Variants in ELFN2 observed in about 807,000 individuals in gnomAD.
The protein encoded by ELFN2 is extracellular leucine rich repeat and fibronectin type III domain containing 2.
A neutral mutation model predicts 45.5 loss-of-function variants in ELFN2; 17 were observed. That is an observed-to-expected ratio of 0.37 (90% confidence interval 0.26 to 0.56). The LOEUF is 0.56. Ranked by LOEUF, ELFN2 falls within the 20% of genes least tolerant of loss-of-function variation. The pLI is 0.77. For synonymous variants in ELFN2, 550 were observed against 551.5 expected (o/e 1.00, Z 0.04); for missense variants, 922 against 1,183.2 (o/e 0.78, Z 3.24).
chr22:37,413,315 CT>C (rs1932697376), intron 2 of ELFN2, among the ~76,000 whole-genome samples: 1 of 151,994 alleles, frequency 6.6e-6, no homozygotes, highest in South Asian at 2.1e-4. Flanking sequence ...CCCTCTACAG[CT>C]GGCAGTGAAG....
intron 2 of ELFN2, among the ~76,000 whole-genome samples, chr22:37,387,227 C>T (rs1447678222): frequency 6.6e-6 from 1 of 152,160 alleles, no homozygotes; most frequent in Non-Finnish European, 1.5e-5. Context: ...CCTGCTCCCA[C>T]CCCCACCTTC....
chr22:37,371,319 C>G lies in ELFN2; in HGVS notation c.*1753G>C, dbSNP rs1373497323. 3.3e-5 allele frequency: 5 copies of G among 152,380 alleles called. No individual in the cohort carries two copies. Among genetic ancestry groups the G allele is most frequent in the African/African-American group, 1.2e-4 (5 of 41,462 alleles). The allele number at this position is 152,380 out of a possible 1,614,324, so 9.4% of individuals were successfully genotyped here. ...CCCCTCAGTCACACTCCCCAAATCT[C>G]AGGAAACCCATGTGGGCCACAGGCC... is the stretch of plus-strand genomic sequence containing the variant. On this transcript the variant is annotated 3_prime_UTR_variant, in exon 3 of 3. Transcript: ENST00000402918. The surrounding 1 kb of genome is among the most constrained non-coding windows in gnomAD (Gnocchi z 6.4).
chr22:37,394,006 C>T (rs1477436636), intron 2 of ELFN2, among the ~76,000 whole-genome samples: 1 of 152,230 alleles, frequency 6.6e-6, no homozygotes, highest in Non-Finnish European at 1.5e-5. Flanking sequence ...CTGCCACCTC[C>T]ACCTAACATG....
chr22:37,410,084 C>T (rs1308826616), intron 2 of ELFN2, among the ~76,000 whole-genome samples: 1 of 152,182 alleles, frequency 6.6e-6, no homozygotes, highest in East Asian at 1.9e-4. Flanking sequence ...CACACACATA[C>T]ACACACACCT....
At chr22:37,403,587 G>A (rs1340201217) in intron 2 of ELFN2, among the ~76,000 whole-genome samples, 1 of 152,194 alleles carries the variant, frequency 6.6e-6, no homozygotes, top group Non-Finnish European at 1.5e-5. Context: ...GGCCTGGGAG[G>A]CTGCGGCCTC....
Position 37,374,007 on chromosome 22 carries a change from C to T in ELFN2, c.1528G>A (p.Gly510Ser), listed in dbSNP as rs143903281. The T allele has an allele frequency of 2.3e-4, 379 of 1,612,994 alleles. 2 individuals carry two copies. The highest frequency in any genetic ancestry group is 1.6e-4 in the Middle Eastern group (1 of 6,084). ...TCGGGCCGAGCCAGACCGTCCCCGC[C>T]GGCGCCTGTGCGCACCTCGATATAG... ...GNYIEVRTGAGGDGLARPEDD... is the reference protein window; with the variant it reads ...GNYIEVRTGASGDGLARPEDD... The change falls in exon 3 of 3, where the codon GGC becomes AGC. Residue 510 changes from glycine to serine, a missense_variant. Coordinates refer to ENST00000402918, the MANE Select transcript of ELFN2 (RefSeq NM_052906.5).
In ELFN2 at chr22:37,409,295, G is replaced by A. The variant is rs112798332; in HGVS notation, c.-463+8474C>T. Among the ~76,000 whole-genome samples, 306 of 152,242 alleles carry A rather than the reference G, an allele frequency of 2.0e-3. 1 individual carries two copies. The highest frequency in any genetic ancestry group is 4.4e-3 in the South Asian group (21 of 4,814). On this transcript the variant is annotated intron_variant, in intron 2 of 2. Coordinates refer to ENST00000402918, the MANE Select transcript of ELFN2 (RefSeq NM_052906.5). Reference sequence around the variant, plus strand: ...GGACCCTGGGAAGCTCCTGGGCCCCGAAGCAGCTCCCTGTGGCCCCAAGGA... The same window carrying A: ...GGACCCTGGGAAGCTCCTGGGCCCCAAAGCAGCTCCCTGTGGCCCCAAGGA...
At chr22:37,396,887 G>A (rs80191523) in intron 2 of ELFN2, among the ~76,000 whole-genome samples, 349 of 152,292 alleles carry the variant, frequency 2.3e-3, no homozygotes, top group African/African-American at 7.9e-3. Flanking sequence ...CAGCCTCCAA[G>A]TCCATGCCAG....
Position 37,374,984 on chromosome 22 carries a change from C to T in ELFN2, c.551G>A (p.Gly184Asp). 1 of 1,613,242 alleles carries T rather than the reference C, an allele frequency of 6.2e-7. No homozygotes were observed. Among genetic ancestry groups the T allele is most frequent in the African/African-American group, 1.3e-5 (1 of 75,026 alleles). ...LASLMVCELA[G>D]NPFNCECDLF... ...GTCGCACTCACAGTTGAAGGGGTTGCCGGCCAGCTCACACACCATCAGGCT... is the reference window on the plus strand; with the variant it reads ...GTCGCACTCACAGTTGAAGGGGTTGTCGGCCAGCTCACACACCATCAGGCT... Residue 184 changes from glycine to aspartate, a missense_variant, in exon 3 of 3, where the codon GGC becomes GAC. Transcript: ENST00000402918.
At position 37,399,119 on chromosome 22, in the gene ELFN2, G is replaced by C. The variant is rs538906971; in HGVS notation, c.-463+18650C>G. ...TCCCCACTCCCAGGGATGGGCACGT[G>C]AGCTTCTTACCCCTCTCTGAACTCG... is the stretch of plus-strand genomic sequence containing the variant. On this transcript the variant is annotated intron_variant, in intron 2 of 2. Coordinates refer to ENST00000402918, the MANE Select transcript of ELFN2 (RefSeq NM_052906.5). Among the ~76,000 whole-genome samples the C allele has an allele frequency of 2.2e-3, 339 of 152,176 alleles. 2 individuals carry two copies. The highest frequency in any genetic ancestry group is 7.5e-3 in the African/African-American group (311 of 41,514).
intron 1 of ELFN2, among the ~76,000 whole-genome samples, chr22:37,346,246 T>C (rs1930694098): frequency 6.6e-6 from 1 of 152,330 alleles, no homozygotes; most frequent in Middle Eastern, 3.4e-3. Flanking sequence ...GTGCGCACAC[T>C]GGGCACTTCC....
chr22:37,385,248 T>C (rs1931917763), intron 2 of ELFN2: 1 of 152,272 alleles, frequency 6.6e-6, no homozygotes, highest in Non-Finnish European at 1.5e-5. Flanking sequence ...CATTTAATCC[T>C]GAGCCAACTT....
At chr22:37,402,761 T>C (rs1332041135) in intron 2 of ELFN2, among the ~76,000 whole-genome samples, 1 of 151,718 alleles carries the variant, frequency 6.6e-6, no homozygotes, top group Non-Finnish European at 1.5e-5. Context: ...GTGTTCAGCC[T>C]CCAGGGGCTC....
intron 2 of ELFN2, among the ~76,000 whole-genome samples, chr22:37,404,696 G>A (rs567290473): frequency 3.3e-5 from 5 of 152,210 alleles, no homozygotes; most frequent in East Asian, 1.9e-4. Flanking sequence ...CGACAGCAGC[G>A]GCTGACACCC....
At chr22:37,400,241 A>C (rs1601762134) in intron 2 of ELFN2, among the ~76,000 whole-genome samples, 5 of 141,418 alleles carry the variant, frequency 3.5e-5, no homozygotes, top group South Asian at 2.3e-4. Context: ...ATCCCACCCC[A>C]CTCCGGTCCA....
At chr22:37,365,587 T>C (rs1363137152), downstream of ELFN2, among the ~76,000 whole-genome samples, 2 of 152,218 alleles carry the variant, frequency 1.3e-5, no homozygotes, top group Admixed American at 6.5e-5. Flanking sequence ...AGAACTTATA[T>C]ACCAGCAGTT....
chr22:37,423,540 T>A (rs1231894909), intron 1 of ELFN2, among the ~76,000 whole-genome samples: 1 of 152,168 alleles, frequency 6.6e-6, no homozygotes, highest in Non-Finnish European at 1.5e-5. Context: ...AACCTCTCTG[T>A]TTCTTGTCTT....
intron 2 of ELFN2, among the ~76,000 whole-genome samples, chr22:37,391,556 A>G (rs1282207538): frequency 2.0e-5 from 3 of 152,126 alleles, no homozygotes; most frequent in African/African-American, 4.8e-5. Context: ...CTGAGAAATG[A>G]TAAGAGACAT....
intron 2 of ELFN2, among the ~76,000 whole-genome samples, chr22:37,405,226 G>A (rs571173278): frequency 1.3e-5 from 2 of 151,808 alleles, no homozygotes; most frequent in East Asian, 3.9e-4. Context: ...CTGAGTAGCT[G>A]GGATTATAGG....
Sources: gnomAD v4.1 joint callset for allele counts (sites outside exome capture counted in the v4.1 genomes callset) on GRCh38, gnomAD v4.1.1 for gene constraint, Gnocchi (gnomAD v3.1) non-coding constraint, MANE v1.5 for transcripts, NCBI Gene and HGNC (gene_info 2026-07-23, HGNC 2026-07-21) for gene names.